CDH13: variants seen among roughly 807,000 people sequenced by gnomAD.
CDH13 encodes cadherin-13.
CDH13 carries 24 observed loss-of-function variants against 63.8 expected under a neutral mutation model. The ratio of observed to expected loss-of-function variants is 0.38; its 90% confidence interval spans 0.27 to 0.53. The LOEUF is 0.53. Ranked by LOEUF, CDH13 falls within the 20% of genes least tolerant of loss-of-function variation. The probability of loss-of-function intolerance (pLI) is 0.85; values close to 1 mark genes in which losing one functional copy is unlikely to be tolerated. For missense variants in CDH13, 1,049 were observed against 903.1 expected, an observed-to-expected ratio of 1.16 and a Z score of -2.07; for synonymous variants, 503 against 355.3, an observed-to-expected ratio of 1.42 and a Z score of -4.67.
At chr16:83,554,674 T>TA (rs892925321) in intron 7 of CDH13, among the ~76,000 whole-genome samples, 2 of 151,674 alleles carry the variant, frequency 1.3e-5, no homozygotes, top group Admixed American at 1.3e-4. Flanking sequence ...ATCACAACCT[T>TA]ACACACACAC....
At chr16:82,882,396 C>G (rs928947798) in intron 2 of CDH13, among the ~76,000 whole-genome samples, 2 of 152,178 alleles carry the variant, frequency 1.3e-5, no homozygotes, top group Admixed American at 1.3e-4. Context: ...CAGTCTGGCT[C>G]TAGTCTCCAA....
chr16:82,791,562 T>C (rs1024047820), intron 1 of CDH13, among the ~76,000 whole-genome samples: 4 of 152,172 alleles, frequency 2.6e-5, no homozygotes, highest in Admixed American at 6.5e-5. Flanking sequence ...TTCTGGTCTG[T>C]GCTTGTTAGG....
intron 6 of CDH13, among the ~76,000 whole-genome samples, chr16:83,389,040 C>G (rs1426654607): frequency 6.6e-6 from 1 of 152,196 alleles, no homozygotes; most frequent in African/African-American, 2.4e-5. Flanking sequence ...CAGGGAAGGG[C>G]TCTGAGAATC....
chr16:83,496,974 C>A (rs964797549), intron 7 of CDH13, among the ~76,000 whole-genome samples: 1 of 152,128 alleles, frequency 6.6e-6, no homozygotes, highest in South Asian at 2.1e-4. Flanking sequence ...CCATCTCACA[C>A]CAGTTAGAAT....
chr16:82,676,969 C>T (rs536098080), intron 1 of CDH13, among the ~76,000 whole-genome samples: 4 of 152,232 alleles, frequency 2.6e-5, no homozygotes, highest in South Asian at 2.1e-4. Flanking sequence ...CTGCAACCTC[C>T]GCCTCCCAGG....
intron 2 of CDH13, among the ~76,000 whole-genome samples, chr16:82,872,197 T>G (rs1208320027): frequency 6.6e-6 from 1 of 152,186 alleles, no homozygotes; most frequent in Non-Finnish European, 1.5e-5. Context: ...GAACCCAGCA[T>G]ACACACAAAT....
chr16:83,111,605 G>A (rs1386492103), intron 3 of CDH13, among the ~76,000 whole-genome samples: 3 of 152,122 alleles, frequency 2.0e-5, no homozygotes, highest in African/African-American at 7.2e-5. Flanking sequence ...CATATGAAGG[G>A]CTTAACATAA....
chr16:83,095,305 T>C (rs945531878), intron 3 of CDH13, among the ~76,000 whole-genome samples: 2 of 152,184 alleles, frequency 1.3e-5, no homozygotes, highest in Non-Finnish European at 2.9e-5. Flanking sequence ...ATCAACATGG[T>C]ACTGGTGTAG....
At chr16:83,027,525 T>C (rs1023113696) in intron 2 of CDH13, among the ~76,000 whole-genome samples, 1 of 152,068 alleles carries the variant, frequency 6.6e-6, no homozygotes, top group African/African-American at 2.4e-5. Context: ...GTGTGAGCTA[T>C]GCAGTGAAGA....
chr16:82,627,344 G>A (rs1907428378), intron 1 of CDH13, among the ~76,000 whole-genome samples: 1 of 115,522 alleles, frequency 8.7e-6, no homozygotes, highest in South Asian at 2.9e-4. Context: ...GTGCGTGTGT[G>A]TGTGTGTGTG....
rs540207585 is a variant in CDH13, at chr16:82,762,467, G to A, written c.46-95895G>A. 5.3e-5 allele frequency among the ~76,000 whole-genome samples: 8 copies of A among 152,336 alleles called. No homozygotes were observed. The East Asian group carries it at 1.5e-3, about 29-fold the overall frequency. Reference sequence around the variant, plus strand: ...CACAGAGTATTAATAGAAAATGTATGTGAGAGGATGTTATTTAATAAACCC... The same window carrying A: ...CACAGAGTATTAATAGAAAATGTATATGAGAGGATGTTATTTAATAAACCC... On this transcript the variant is annotated intron_variant, in intron 1 of 13. Transcript: ENST00000567109.
chr16:83,006,045 A>G (rs138545511), intron 2 of CDH13, among the ~76,000 whole-genome samples: 1 of 152,330 alleles, frequency 6.6e-6, no homozygotes, highest in Non-Finnish European at 1.5e-5. Flanking sequence ...ATTCACCATT[A>G]CATTTCATGT....
rs931851321 is a variant in CDH13, at chr16:82,816,770, G to C, written c.46-41592G>C. On this transcript the variant is annotated intron_variant, in intron 1 of 13. Coordinates refer to ENST00000567109, the MANE Select transcript of CDH13 (RefSeq NM_001257.5). ...GTTTAGATGTTTTATCATCACCGTC[G>C]TCACCATCATCACTACCACCTGCTA... Among the ~76,000 whole-genome samples the C allele has an allele frequency of 1.5e-5, 2 of 131,826 alleles. 1 individual carries two copies. Among genetic ancestry groups the C allele is most frequent in the East Asian group, 4.9e-4 (2 of 4,078 alleles). The allele number at this position is 131,826 out of a possible 152,430, so 86.5% of individuals were successfully genotyped here. A position where few individuals can be genotyped will look rare whatever the true frequency, so the allele number is the denominator to read the frequency against.
chr16:83,418,492 A>C (rs1258557890), intron 6 of CDH13, among the ~76,000 whole-genome samples: 1 of 152,192 alleles, frequency 6.6e-6, no homozygotes, highest in Non-Finnish European at 1.5e-5. Flanking sequence ...ATAGGTCAGT[A>C]GGTTGTTCCT....
At chr16:83,794,679 C>G (rs1734190851) in intron 13 of CDH13, among the ~76,000 whole-genome samples, 1 of 151,594 alleles carries the variant, frequency 6.6e-6, no homozygotes, top group African/African-American at 2.4e-5. Flanking sequence ...GGATAATCAC[C>G]AATCTCTAAG....
intron 2 of CDH13, among the ~76,000 whole-genome samples, chr16:82,994,994 G>C (rs146045588): frequency 6.6e-6 from 1 of 152,076 alleles, no homozygotes; most frequent in East Asian, 1.9e-4. Flanking sequence ...GATCCTGTAG[G>C]ATTATCCTGA....
intron 3 of CDH13, among the ~76,000 whole-genome samples, chr16:83,109,275 C>A (rs1215360186): frequency 6.6e-6 from 1 of 152,092 alleles, no homozygotes; most frequent in Non-Finnish European, 1.5e-5. Context: ...TAGGACTTGG[C>A]AACCGCTCGT....
intron 6 of CDH13, among the ~76,000 whole-genome samples, chr16:83,402,922 G>T (rs181391491): frequency 2.6e-5 from 4 of 151,986 alleles, no homozygotes; most frequent in Non-Finnish European, 5.9e-5. Flanking sequence ...TTTGATTTGG[G>T]TTCTATTTTC....
Position 82,990,613 on chromosome 16 carries a change from C to A in CDH13, c.158-41397C>A, listed in dbSNP as rs545774473. On this transcript the variant is annotated intron_variant, in intron 2 of 13. Transcript: ENST00000567109. ...CCAGGCTGGAGTGCAGTGGCACAAT[C>A]ACGGCTCACTGCCGCCTTGAACTCC... Among the ~76,000 whole-genome samples the A allele has an allele frequency of 2.7e-5, 4 of 148,392 alleles. No individual in the cohort carries two copies. In the Admixed American group the frequency reaches 2.7e-4, roughly 10 times the overall value.
Sources: allele counts gnomAD v4.1 joint callset (sites outside exome capture counted in the v4.1 genomes callset), GRCh38; gene constraint gnomAD v4.1.1; transcripts MANE v1.5; gene names NCBI Gene and HGNC (gene_info 2026-07-23, HGNC 2026-07-21).